KALRN: variants seen among roughly 807,000 people sequenced by gnomAD.
The protein encoded by KALRN is kalirin RhoGEF kinase.
A neutral mutation model predicts 353.7 loss-of-function variants in KALRN; 70 were observed. The ratio of observed to expected loss-of-function variants is 0.20; its 90% CI spans 0.16 to 0.24. KALRN has a LOEUF of 0.24. Ranked by LOEUF, KALRN falls within the 10% of genes least tolerant of loss-of-function variation. KALRN has a pLI of 1.00. For synonymous variants in KALRN, 1,391 were observed against 1,434.8 expected (o/e 0.97, Z 0.69); for missense variants, 2,791 against 3,756.7 (o/e 0.74, Z 6.72).
At chr3:124,324,360 C>T (rs10934666) in intron 6 of KALRN, among the ~76,000 whole-genome samples, 49,077 of 152,084 alleles carry the variant, frequency 0.32, 8,047 homozygotes, top group Admixed American at 0.36. Context: ...GTGCTTTCCC[C>T]CTCCCCATTC....
In KALRN at chr3:124,413,679, C is replaced by T; in HGVS notation, c.2542+14C>T. On this transcript the variant is annotated intron_variant, in intron 14 of 59. Transcript: ENST00000682506. ...TCCAGGCATCAGGTGGGTGACCTCG[C>T]TCATTCTCCTGGCAGAGGAGATGAT... is the stretch of plus-strand genomic sequence containing the variant. 1 of 1,605,696 alleles carries T rather than the reference C, an allele frequency of 6.2e-7. No individual in the cohort carries two copies. The highest frequency in any genetic ancestry group is 8.5e-7 in the Non-Finnish European group (1 of 1,173,482).
At chr3:124,510,620 A>G (rs760008980) in intron 33 of KALRN, among the ~76,000 whole-genome samples, 10 of 152,020 alleles carry the variant, frequency 6.6e-5, no homozygotes, top group Non-Finnish European at 8.8e-5. Context: ...CCTCCAAAAC[A>G]GTCTATTGTT....
At chr3:124,114,674 C>T (rs142830990) in intron 1 of KALRN, among the ~76,000 whole-genome samples, 18 of 152,254 alleles carry the variant, frequency 1.2e-4, no homozygotes, top group African/African-American at 2.9e-4. Context: ...ATGGCAGGTA[C>T]GGCTGACAAT....
At chr3:124,141,118 G>A (rs1158949910) in intron 1 of KALRN, among the ~76,000 whole-genome samples, 1 of 152,094 alleles carries the variant, frequency 6.6e-6, no homozygotes, top group Non-Finnish European at 1.5e-5. Flanking sequence ...GAAATACCCA[G>A]GGAACCGGTC....
At position 124,384,989 on chromosome 3, in the gene KALRN, A is replaced by C; in HGVS notation, c.1915A>C (p.Lys639Gln). The stretch of plus-strand genomic sequence containing the variant: ...CTTCGTGCGCAGGGTGGAGCAGCGG[A>C]AGCTTCTCCTGGACATGTCTGTTTC... The part of the protein sequence containing the change: ...QDFVRRVEQR[K>Q]LLLDMSVSFH... Residue 639 changes from lysine (K) to glutamine (Q), a missense_variant, in exon 11 of 60, where the codon AAG (lysine) becomes CAG (glutamine). Lys to Gln is a moderately conservative substitution (Grantham distance 53). Transcript: ENST00000682506. 6.2e-7 allele frequency: 1 copy of C among 1,613,302 alleles called. No homozygotes were observed. The highest frequency in any genetic ancestry group is 1.1e-5 in the South Asian group (1 of 90,844).
At chr3:124,124,702 G>C (rs1451931688) in intron 1 of KALRN, among the ~76,000 whole-genome samples, 1 of 152,172 alleles carries the variant, frequency 6.6e-6, no homozygotes, top group African/African-American at 2.4e-5. Context: ...CCTGATTTCT[G>C]GCAGCCATCC....
At position 124,490,863 on chromosome 3, in the gene KALRN, T is replaced by C. The variant is rs200888295; in HGVS notation, c.4566T>C (p.Tyr1522=). 1.8e-5 allele frequency: 29 copies of C among 1,612,772 alleles called. No homozygotes were observed. The African/African-American group carries it at 3.7e-4, about 21-fold the overall frequency. The change falls in exon 30 of 60, where the codon TAT becomes TAC. Residue 1522 remains tyrosine, a synonymous_variant. Transcript: ENST00000682506. ...EIKDSSGHTK[Y]VYKNKLLTSE... ...AAGATTCTTCAGGACACACGAAATA[T>C]GTTTACAAGAACAAGCTACTGGTAG... is the stretch of plus-strand genomic sequence containing the variant.
At chr3:124,082,280 A>G (rs1352766871) in intron 1 of KALRN, 3 of 471,042 alleles carry the variant, frequency 6.4e-6, no homozygotes, top group Non-Finnish European at 8.8e-6. Context: ...ACATAACCTC[A>G]AGTATCTTTG....
At chr3:124,687,138 A>G (rs1382182205) in intron 51 of KALRN, among the ~76,000 whole-genome samples, 1 of 152,130 alleles carries the variant, frequency 6.6e-6, no homozygotes, top group Non-Finnish European at 1.5e-5. Context: ...TTAATCTGTT[A>G]CATAGCTCCG....
chr3:124,126,110 A>G (rs1371444461), intron 1 of KALRN, among the ~76,000 whole-genome samples: 2 of 152,102 alleles, frequency 1.3e-5, no homozygotes, highest in Admixed American at 1.3e-4. Context: ...AATAGGAGAG[A>G]ATCATGGTTT....
At chr3:124,062,752 G>C (rs1263811332) in intron 1 of KALRN, among the ~76,000 whole-genome samples, 2 of 152,146 alleles carry the variant, frequency 1.3e-5, no homozygotes, top group Non-Finnish European at 2.9e-5. Context: ...AAGCTAGTTT[G>C]GAGAGGGGAG....
chr3:124,286,262 T>C (rs1201377692), intron 5 of KALRN, among the ~76,000 whole-genome samples: 1 of 150,726 alleles, frequency 6.6e-6, no homozygotes, highest in African/African-American at 2.4e-5. Context: ...TCTTGCTCTC[T>C]CTCTCTTTCT....
chr3:124,488,368 A>G (rs2062782497), intron 29 of KALRN, 53 bp downstream of exon 29: 2 of 1,177,416 alleles, frequency 1.7e-6, no homozygotes, highest in South Asian at 2.4e-5. Flanking sequence ...GACACGGGGG[A>G]GCTTGTATCA....
chr3:124,577,646 G>A (rs1210335839), intron 34 of KALRN, among the ~76,000 whole-genome samples: 1 of 152,134 alleles, frequency 6.6e-6, no homozygotes, highest in Non-Finnish European at 1.5e-5. Flanking sequence ...CAGCACTTTG[G>A]GAGGCTGAGG....
chr3:124,144,653 ATCCTCT>A (rs113115127), intron 1 of KALRN, among the ~76,000 whole-genome samples: 1 of 132,974 alleles, frequency 7.5e-6, no homozygotes, highest in African/African-American at 2.9e-5. Context: ...CCTCTTCCTC[ATCCTCT>A]TCCTCTTCCT....
At chr3:124,347,688 C>A (rs1455075284) in intron 10 of KALRN, among the ~76,000 whole-genome samples, 1 of 152,058 alleles carries the variant, frequency 6.6e-6, no homozygotes, top group Non-Finnish European at 1.5e-5. Context: ...ATTGTCACTG[C>A]CAGTGAGTGA....
intron 1 of KALRN, among the ~76,000 whole-genome samples, chr3:124,189,888 A>C (rs927621381): frequency 6.6e-6 from 1 of 151,304 alleles, no homozygotes; most frequent in Non-Finnish European, 1.5e-5. Context: ...GCAGTGAGCT[A>C]AGATTGCGCC....
intron 37 of KALRN, among the ~76,000 whole-genome samples, chr3:124,646,391 CTTTTTT>C (rs10673161): frequency 1.8e-5 from 2 of 110,492 alleles, no homozygotes; most frequent in Admixed American, 1.0e-4. Flanking sequence ...CTTTTGTTTA[CTTTTTT>C]TTTTTTTTTT....
rs769558693 is a variant in KALRN, at chr3:124,269,099, G to C, written c.813G>C (p.Pro271=). ...SDGFSGRNCI[P]GSADFQSLVP... ...GCTTCTCAGGACGCAACTGCATCCC[G>C]GGCAGTGCTGACTTCCAGAGCCTGG... The change falls in exon 5 of 60, where the codon CCG becomes CCC. Residue 271 remains proline (P), a synonymous_variant. Transcript: ENST00000682506. The C allele has an allele frequency of 5.6e-6, 9 of 1,612,662 alleles. No homozygotes were observed. The African/African-American group carries it at 9.3e-5, about 17-fold the overall frequency.
Sources: gnomAD v4.1 joint callset for allele counts (sites outside exome capture counted in the v4.1 genomes callset) on GRCh38, gnomAD v4.1.1 for gene constraint, MANE v1.5 for transcripts, NCBI Gene and HGNC (gene_info 2026-07-23, HGNC 2026-07-21) for gene names.